Variants in SPAG16 observed in about 807,000 individuals in gnomAD.
SPAG16 encodes sperm-associated antigen 16 protein.
A neutral mutation model predicts 80.4 loss-of-function variants in SPAG16; 86 were observed. The ratio of observed to expected loss-of-function variants is 1.07; its 90% CI spans 0.90 to 1.28. The LOEUF (loss-of-function observed/expected upper bound fraction) is 1.28, where lower values mean the gene tolerates loss of function less well. SPAG16 is among the 50% of genes most tolerant of loss of function. The pLI is 0.00. For missense variants in SPAG16, 870 were observed against 765.3 expected (o/e 1.14, Z -1.61); for synonymous variants, 294 against 265.9 (o/e 1.11, Z -1.03).
At chr2:214,406,770 C>T (rs1024980064) in intron 15 of SPAG16, among the ~76,000 whole-genome samples, 4 of 151,992 alleles carry the variant, frequency 2.6e-5, no homozygotes, top group African/African-American at 9.7e-5. Flanking sequence ...CAAATTCATC[C>T]AACAGAGTGA....
At chr2:213,473,883 G>A (rs1416331986) in intron 9 of SPAG16, among the ~76,000 whole-genome samples, 1 of 152,154 alleles carries the variant, frequency 6.6e-6, no homozygotes, top group East Asian at 1.9e-4. Context: ...GGGGCCTGCC[G>A]GGACTTTAGT....
chr2:214,405,661 G>T (rs1701955155), intron 15 of SPAG16, among the ~76,000 whole-genome samples: 2 of 152,112 alleles, frequency 1.3e-5, no homozygotes, highest in African/African-American at 4.8e-5. Flanking sequence ...GCTGGCCGTG[G>T]TGGCAGGCAT....
chr2:213,796,715 A>G (rs569697643), intron 10 of SPAG16, among the ~76,000 whole-genome samples: 10 of 152,196 alleles, frequency 6.6e-5, no homozygotes, highest in Non-Finnish European at 1.3e-4. Flanking sequence ...ATAAAAAAGT[A>G]TAGCACATAA....
At chr2:213,476,274 T>C (rs2073380506) in intron 9 of SPAG16, among the ~76,000 whole-genome samples, 1 of 152,202 alleles carries the variant, frequency 6.6e-6, no homozygotes, top group African/African-American at 2.4e-5. Flanking sequence ...CTGTCGGGAA[T>C]TGGAGCCAAT....
intron 15 of SPAG16, among the ~76,000 whole-genome samples, chr2:214,299,243 C>CTTTTTT (rs33961996): frequency 1.7e-5 from 1 of 57,686 alleles, no homozygotes; most frequent in Non-Finnish European, 3.1e-5. Flanking sequence ...GTGTAGTATA[C>CTTTTTT]TTTTTTTTTT....
intron 15 of SPAG16, among the ~76,000 whole-genome samples, chr2:214,346,247 A>G (rs191809352): frequency 3.3e-5 from 5 of 151,540 alleles, no homozygotes; most frequent in African/African-American, 4.9e-5. Context: ...TATAGTTTAA[A>G]TGTTCATTTG....
chr2:214,390,341 T>TTTAAA (rs1300923316), intron 15 of SPAG16, among the ~76,000 whole-genome samples: 14 of 125,464 alleles, frequency 1.1e-4, no homozygotes, highest in African/African-American at 4.1e-4. Context: ...CTTTTTTTTT[T>TTTAAA]AAAAAAAAAA....
chr2:214,087,855 A>G (rs574245719), intron 13 of SPAG16, among the ~76,000 whole-genome samples: 1 of 152,248 alleles, frequency 6.6e-6, no homozygotes, highest in East Asian at 1.9e-4. Context: ...TAAAACACAT[A>G]TGGAGGCAAT....
chr2:213,508,369 G>A (rs541385739), intron 10 of SPAG16, among the ~76,000 whole-genome samples: 161 of 152,144 alleles, frequency 1.1e-3, no homozygotes, highest in Admixed American at 2.0e-3. Flanking sequence ...TCAGGAGATC[G>A]AGACCATCCT....
chr2:214,363,887 T>C (rs556389493), intron 15 of SPAG16, among the ~76,000 whole-genome samples: 57 of 152,228 alleles, frequency 3.7e-4, no homozygotes, highest in African/African-American at 1.2e-3. Context: ...ACAGTTTATG[T>C]GGAGGAATGT....
intron 15 of SPAG16, among the ~76,000 whole-genome samples, chr2:214,173,021 C>A (rs1009172196): frequency 6.6e-6 from 1 of 150,782 alleles, no homozygotes; most frequent in East Asian, 2.0e-4. Context: ...GAGTAGGTTG[C>A]GAAAATTTTC....
chr2:214,001,162 A>G (rs2046771437), intron 12 of SPAG16, among the ~76,000 whole-genome samples: 3 of 152,206 alleles, frequency 2.0e-5, no homozygotes, highest in Admixed American at 1.3e-4. Context: ...TTGAATTTAG[A>G]GTTTATGAGG....
intron 3 of SPAG16, among the ~76,000 whole-genome samples, chr2:213,303,842 A>G (rs1220824048): frequency 2.0e-5 from 3 of 152,134 alleles, no homozygotes; most frequent in South Asian, 4.1e-4. Context: ...GATAAACACA[A>G]TAGTGCAGAT....
intron 10 of SPAG16, among the ~76,000 whole-genome samples, chr2:213,538,574 T>A (rs1272181334): frequency 5.3e-5 from 8 of 152,270 alleles, no homozygotes; most frequent in African/African-American, 1.9e-4. Context: ...TGAGGGAGTA[T>A]GTTAATAATC....
At chr2:213,452,562 A>G (rs1309955122) in intron 9 of SPAG16, among the ~76,000 whole-genome samples, 1 of 152,250 alleles carries the variant, frequency 6.6e-6, no homozygotes, top group Non-Finnish European at 1.5e-5. Context: ...TCTACAAGGT[A>G]TACCCACTCA....
chr2:214,195,383 A>T lies in SPAG16; in HGVS notation c.1720+46117A>T, dbSNP rs1475722685. Among the ~76,000 whole-genome samples the T allele has an allele frequency of 4.6e-5, 7 of 150,992 alleles. No individual in the cohort carries two copies. In the East Asian group the frequency reaches 1.4e-3, roughly 29 times the overall value. On this transcript the variant is annotated intron_variant, in intron 15 of 15. Coordinates refer to ENST00000331683, the MANE Select transcript of SPAG16 (RefSeq NM_024532.5). ...CATATTTCAAGCACAGAATGTTATT[A>T]TTCAATTCACATTTTACAAAGATTA...
At chr2:213,488,831 C>A (rs1057181509) in intron 9 of SPAG16, among the ~76,000 whole-genome samples, 2 of 148,130 alleles carry the variant, frequency 1.4e-5, no homozygotes, top group African/African-American at 4.9e-5. Flanking sequence ...AATCCCACCA[C>A]TTTGGGAGGC....
intron 15 of SPAG16, among the ~76,000 whole-genome samples, chr2:214,165,417 G>T (rs1240227321): frequency 1.6e-5 from 2 of 125,918 alleles, no homozygotes; most frequent in East Asian, 5.2e-4. Context: ...TAGTCCTGTT[G>T]TCTTCTCATG....
chr2:214,345,581 C>T (rs778848145), intron 15 of SPAG16, among the ~76,000 whole-genome samples: 3 of 152,010 alleles, frequency 2.0e-5, no homozygotes, highest in Admixed American at 1.3e-4. Context: ...TGTTGAAACC[C>T]GAAAGTTCTC....
Sources: gnomAD v4.1 joint callset for allele counts (sites outside exome capture counted in the v4.1 genomes callset) on GRCh38, gnomAD v4.1.1 for gene constraint, MANE v1.5 for transcripts, NCBI Gene and HGNC (gene_info 2026-07-23, HGNC 2026-07-21) for gene names.